The following MMACHC variants were observed in gnomAD, a reference collection of about 807,000 sequenced individuals.
MMACHC encodes cyanocobalamin reductase / alkylcobalamin dealkylase.
In MMACHC, 14 loss-of-function variants were observed where a neutral mutation model predicts 17.6. The ratio of observed to expected loss-of-function variants is 0.80; its 90% CI spans 0.53 to 1.25. The LOEUF (loss-of-function observed/expected upper bound fraction) is 1.25. Among genes scored for constraint, MMACHC ranks in the 50% most tolerant of loss-of-function variants. The probability of loss-of-function intolerance (pLI) is 0.00; values close to 1 mark genes in which losing one functional copy is unlikely to be tolerated. For synonymous variants in MMACHC, 151 were observed against 142.1 expected (o/e 1.06, Z -0.45); for missense variants, 392 against 364.5 (o/e 1.08, Z -0.62).
intron 1 of MMACHC, among the ~76,000 whole-genome samples, chr1:45,504,529 T>C (rs918944587): frequency 9.9e-5 from 15 of 152,118 alleles, no homozygotes; most frequent in African/African-American, 3.4e-4. Context: ...CTGGGCAACA[T>C]AGGGAGACCC....
At position 45,507,427 on chromosome 1, in the gene MMACHC, G is replaced by C. The variant is rs1643642147; in HGVS notation, c.153G>C (p.Leu51=). The C allele has an allele frequency of 6.2e-7, 1 of 1,614,118 alleles. No homozygotes were observed. Among genetic ancestry groups the C allele is most frequent in the Non-Finnish European group, 8.5e-7 (1 of 1,180,022 alleles). Residue 51 remains leucine (L), a synonymous_variant, in exon 2 of 4, where the codon CTG becomes CTC. Coordinates refer to ENST00000401061, the MANE Select transcript of MMACHC (RefSeq NM_015506.3). ...TGCCAGGACCTACCCTGGCCTTCCT[G>C]GTACTCAGCACGCCTGCCATGTTTG... ...LPLPGPTLAF[L]VLSTPAMFDR... is the part of the protein sequence containing the mutation.
rs1643712032 is a variant in MMACHC, at chr1:45,510,075, T to TAA, written c.*860_*861insAA. ...CTGGGTGACAGTGTGAGACTCTGTC[T>TAA]CAAAAAAAAAAAAAAAAGTACCTAC... is the stretch of plus-strand genomic sequence containing the variant. On this transcript the variant is annotated 3_prime_UTR_variant, in exon 4 of 4. Transcript: ENST00000401061. 8.0e-6 allele frequency: 1 copy of TAA among 124,764 alleles called. No individual in the cohort carries two copies. The allele number at this position is 124,764 out of a possible 1,614,324, so 7.7% of individuals were successfully genotyped here. A position where few individuals can be genotyped will look rare whatever the true frequency, so the allele number is the denominator to read the frequency against.
chr1:45,502,282 T>A (rs1570821910), intron 1 of MMACHC, among the ~76,000 whole-genome samples: 2 of 152,322 alleles, frequency 1.3e-5, no homozygotes, highest in African/African-American at 4.8e-5. Context: ...ATTCTTTATT[T>A]ATTTAGAGAC....
chr1:45,511,125 C>T lies in MMACHC; in HGVS notation c.*1910C>T, dbSNP rs569409261. The stretch of plus-strand genomic sequence containing the variant: ...CTAATACATCATACAAACCAGTAGC[C>T]TGCCCACAACGCCAACTCAGGCCAT... On this transcript the variant is annotated 3_prime_UTR_variant, in exon 4 of 4. Coordinates refer to ENST00000401061, the MANE Select transcript of MMACHC (RefSeq NM_015506.3). 144 of 504,722 alleles carry T rather than the reference C, an allele frequency of 2.9e-4. 1 individual carries two copies. The highest frequency in any genetic ancestry group is 4.2e-5 in the Non-Finnish European group (12 of 285,312). The allele number at this position is 504,722 out of a possible 1,614,324, so 31.3% of individuals were successfully genotyped here. A position where few individuals can be genotyped will look rare whatever the true frequency, so the allele number is the denominator to read the frequency against.
At chr1:45,507,858 C>T (rs1643658569) in intron 2 of MMACHC, among the ~76,000 whole-genome samples, 1 of 152,178 alleles carries the variant, frequency 6.6e-6, no homozygotes. Context: ...TCCAACATTC[C>T]CCAGGCATTG....
At chr1:45,505,476 C>A (rs1363151862) in intron 1 of MMACHC, among the ~76,000 whole-genome samples, 1 of 151,736 alleles carries the variant, frequency 6.6e-6, no homozygotes, top group African/African-American at 2.4e-5. Flanking sequence ...AATAAAAAAA[C>A]AAAGACAGGT....
Position 45,507,454 on chromosome 1 carries a change from C to T in MMACHC, c.180C>T (p.Asp60=), listed in dbSNP as rs535215325. 24 of 1,614,176 alleles carry T rather than the reference C, an allele frequency of 1.5e-5. No homozygotes were observed. The highest frequency in any genetic ancestry group is 1.9e-5 in the Non-Finnish European group (23 of 1,180,038). The change falls in exon 2 of 4, where the codon GAC becomes GAT. Residue 60 remains aspartate, a synonymous_variant. Coordinates refer to ENST00000401061, the MANE Select transcript of MMACHC (RefSeq NM_015506.3). ...FLVLSTPAMF[D]RALKPFLQSC... ...TACTCAGCACGCCTGCCATGTTTGA[C>T]CGGGCCCTCAAGCCCTTCTTGCAGA... is the stretch of plus-strand genomic sequence containing the variant.
rs969045058 is a variant in MMACHC, at chr1:45,510,783, CTT to C, written c.*1570_*1571del. On this transcript the variant is annotated 3_prime_UTR_variant, in exon 4 of 4. Transcript: ENST00000401061. ...AGGTGTCCAAGTAGTCACACTGAGA[CTT>C]TAACTGGTAACCCAGCCTGTGGCGT... 1.3e-5 allele frequency: 2 copies of C among 152,230 alleles called. No individual in the cohort carries two copies. Among genetic ancestry groups the C allele is most frequent in the African/African-American group, 4.8e-5 (2 of 41,450 alleles). 9.4% of individuals were successfully genotyped at this position (152,230 alleles called of 1,614,324 possible).
In MMACHC at chr1:45,511,135, C is replaced by G. The variant is rs757696185; in HGVS notation, c.*1920C>G. 3 of 530,342 alleles carry G rather than the reference C, an allele frequency of 5.7e-6. No homozygotes were observed. The highest frequency in any genetic ancestry group is 6.0e-5 in the East Asian group (2 of 33,426). 32.9% of individuals were successfully genotyped at this position (530,342 alleles called of 1,614,324 possible). On this transcript the variant is annotated 3_prime_UTR_variant, in exon 4 of 4. Coordinates refer to ENST00000401061, the MANE Select transcript of MMACHC (RefSeq NM_015506.3). ...ATACAAACCAGTAGCCTGCCCACAA[C>G]GCCAACTCAGGCCATTCCTACCAAA...
In MMACHC at chr1:45,508,981, C is replaced by T. The variant is rs747527726; in HGVS notation, c.615C>T (p.Tyr205=). The T allele has an allele frequency of 2.3e-5, 37 of 1,614,078 alleles. No individual in the cohort carries two copies. The South Asian group carries it at 3.4e-4, about 15-fold the overall frequency. ...ATTTCCACTGGCGTGATTGGACTTA[C>T]CGGGATGCTGTGACACCCCAGGAGC... ...GFNFHWRDWT[Y]RDAVTPQERY... The change falls in exon 4 of 4, where the codon TAC becomes TAT. Residue 205 remains tyrosine, a synonymous_variant. Transcript: ENST00000401061.
At chr1:45,500,465 T>G (rs1643520856) in intron 1 of MMACHC, 52 bp downstream of exon 1, 1 of 1,583,388 alleles carries the variant, frequency 6.3e-7, no homozygotes, top group African/African-American at 1.3e-5. Context: ...TTGGCTTCGT[T>G]GCAACTGGCG....
chr1:45,509,209 C>A lies in MMACHC; in HGVS notation c.843C>A (p.Gly281=). The A allele has an allele frequency of 6.2e-7, 1 of 1,613,964 alleles. No homozygotes were observed. Among genetic ancestry groups the A allele is most frequent in the Non-Finnish European group, 8.5e-7 (1 of 1,180,008 alleles). ...GGGTCTCACCACCTGCATCCCCTGG[C>A]CCTTGATTTTCTCCCATGTGGACCC... The part of the protein sequence containing the change: ...SPRVSPPASP[G]P The change falls in exon 4 of 4, where the codon GGC becomes GGA. Residue 281 remains glycine (G), a synonymous_variant. Coordinates refer to ENST00000401061, the MANE Select transcript of MMACHC (RefSeq NM_015506.3).
At position 45,509,403 on chromosome 1, in the gene MMACHC, TGCC is replaced by T; in HGVS notation, c.*189_*191del. 1.8e-6 allele frequency: 1 copy of T among 558,542 alleles called. No individual in the cohort carries two copies. The highest frequency in any genetic ancestry group is 3.0e-6 in the Non-Finnish European group (1 of 330,090). The allele number at this position is 558,542 out of a possible 1,614,324, so 34.6% of individuals were successfully genotyped here. On this transcript the variant is annotated 3_prime_UTR_variant, in exon 4 of 4. Transcript: ENST00000401061. ...AGGCCAGGGAACCAGAATTCCCATC[TGCC>T]TTCAAATGAGTTTTTTTTTTTTTTT...
At chr1:45,502,832 G>A (rs72898315) in intron 1 of MMACHC, among the ~76,000 whole-genome samples, 9,706 of 151,908 alleles carry the variant, frequency 0.064, 1,023 homozygotes, top group African/African-American at 0.22. Flanking sequence ...AGCCTCCAGA[G>A]TAGGTAGGAT....
chr1:45,508,083 G>A, intron 2 of MMACHC, 129 bp from the exon 3 acceptor site: 1 of 1,191,506 alleles, frequency 8.4e-7, no homozygotes, highest in Non-Finnish European at 1.2e-6. Context: ...AGCCTCCCAA[G>A]TTAAGGTCAT....
rs56934185 is a variant in MMACHC at position 45,509,416 on chromosome 1, G to GTTTTTT, written c.*212_*217dup. 0.29 allele frequency: 110,976 copies of GTTTTTT among 379,542 alleles called. 12,968 individuals carry two copies. Among genetic ancestry groups the GTTTTTT allele is most frequent in the Admixed American group, 0.38 (7,819 of 20,472 alleles). The allele number at this position is 379,542 out of a possible 1,614,324, so 23.5% of individuals were successfully genotyped here. ...AGAATTCCCATCTGCCTTCAAATGAGTTTTTTTTTTTTTTTTAGACAGAGT... is the reference window on the plus strand; with the variant it reads ...AGAATTCCCATCTGCCTTCAAATGAGTTTTTTTTTTTTTTTTTTTTTTAGACAGAGT... On this transcript the variant is annotated 3_prime_UTR_variant, in exon 4 of 4. Transcript: ENST00000401061.
At chr1:45,508,633 G>A (rs1352689193) in intron 3 of MMACHC, among the ~76,000 whole-genome samples, 163 bp from the exon 4 acceptor site, 2 of 152,174 alleles carry the variant, frequency 1.3e-5, no homozygotes, top group Non-Finnish European at 2.9e-5. Flanking sequence ...GCCCTTCCCT[G>A]TGCTCAGAAT....
rs34141583 is a variant in MMACHC, at chr1:45,511,174, GTC to G, written c.*1964_*1965del. ...ATTCCTACCAAAGGAAGAAAGGCTG[GTC>G]TCTCCACCCCCTGTAGGAAAGGCCT... On this transcript the variant is annotated 3_prime_UTR_variant, in exon 4 of 4. Transcript: ENST00000401061. The G allele has an allele frequency of 5.1e-3, 3,174 of 627,172 alleles. 50 individuals carry two copies. Among genetic ancestry groups the G allele is most frequent in the African/African-American group, 0.038 (2,073 of 54,116 alleles). The allele number at this position is 627,172 out of a possible 1,614,324, so 38.9% of individuals were successfully genotyped here. A position where few individuals can be genotyped will look rare whatever the true frequency, so the allele number is the denominator to read the frequency against.
intron 1 of MMACHC, 68 bp from the exon 2 acceptor site, chr1:45,507,288 G>A: frequency 1.3e-6 from 2 of 1,496,898 alleles, no homozygotes; most frequent in Non-Finnish European, 1.8e-6. Context: ...AGGCCTGAAG[G>A]TTAAGGTGTG....
Sources: allele counts gnomAD v4.1 joint callset (sites outside exome capture counted in the v4.1 genomes callset), GRCh38; gene constraint gnomAD v4.1.1; transcripts MANE v1.5; gene names NCBI Gene and HGNC (gene_info 2026-07-23, HGNC 2026-07-21).